ADGRF5: variants seen among roughly 807,000 people sequenced by gnomAD.
The protein encoded by ADGRF5 is adhesion G protein-coupled receptor F5.
In ADGRF5, 75 loss-of-function variants were observed where a neutral mutation model predicts 132.3. The ratio of observed to expected loss-of-function variants is 0.57; its 90% confidence interval spans 0.47 to 0.69. The LOEUF is 0.69. ADGRF5 is among the 30% of genes least tolerant of loss of function. ADGRF5 has a pLI of 0.00. For missense variants in ADGRF5, 1,516 were observed against 1,630.6 expected, an observed-to-expected ratio of 0.93 and a Z score of 1.21; for synonymous variants, 629 against 597.6, an observed-to-expected ratio of 1.05 and a Z score of -0.77.
At chr6:46,869,880 A>G (rs1459732526) in intron 11 of ADGRF5, among the ~76,000 whole-genome samples, 4 of 152,158 alleles carry the variant, frequency 2.6e-5, no homozygotes, top group South Asian at 2.1e-4. Flanking sequence ...TAGTTTCACT[A>G]TATATATACT....
At chr6:46,940,893 TCCTC>T (rs145121753) in intron 1 of ADGRF5, among the ~76,000 whole-genome samples, 2,944 of 152,258 alleles carry the variant, frequency 0.019, 85 homozygotes, top group African/African-American at 0.065. Flanking sequence ...TAGTAATTCT[TCCTC>T]CCAAGAATTT....
chr6:46,941,508 C>A (rs1275841888), intron 1 of ADGRF5, among the ~76,000 whole-genome samples: 13 of 150,832 alleles, frequency 8.6e-5, no homozygotes, highest in Admixed American at 8.6e-4. Context: ...GGCAGGCAGG[C>A]AAATTCTAGA....
At chr6:46,917,515 G>A (rs1261496394) in intron 1 of ADGRF5, among the ~76,000 whole-genome samples, 1 of 152,176 alleles carries the variant, frequency 6.6e-6, no homozygotes, top group Non-Finnish European at 1.5e-5. Context: ...TCTATAAAAT[G>A]GGGATTATGA....
Position 46,863,096 on chromosome 6 carries a change from C to T in ADGRF5, c.1991G>A (p.Gly664Glu), listed in dbSNP as rs755276570. Residue 664 changes from glycine to glutamate, a missense_variant and splice_region_variant, in exon 15 of 21, where the codon GGG becomes GAG. Gly to Glu is a moderately conservative substitution (Grantham distance 98). Transcript: ENST00000283296. The stretch of plus-strand genomic sequence containing the variant: ...GGGATCCTGGCATGTGATGTTTTCC[C>T]CTGTGTTGGAAACATTGAAATAAAG... ...SPSMKLNLVPGENITCQDPVI... is the reference protein window; with the variant it reads ...SPSMKLNLVPEENITCQDPVI... 6 of 1,609,256 alleles carry T rather than the reference C, an allele frequency of 3.7e-6. No individual in the cohort carries two copies. Among genetic ancestry groups the T allele is most frequent in the African/African-American group, 2.7e-5 (2 of 74,760 alleles).
At chr6:46,938,401 C>T (rs975446524) in intron 1 of ADGRF5, among the ~76,000 whole-genome samples, 2 of 152,140 alleles carry the variant, frequency 1.3e-5, no homozygotes, top group Admixed American at 1.3e-4. Context: ...TATTTTTTGG[C>T]TCTTTCAGTC....
Position 46,900,035 on chromosome 6 carries a change from G to T in ADGRF5, c.151C>A (p.Arg51=). The change falls in exon 3 of 21, where the codon CGA becomes AGA. Residue 51 remains arginine, a synonymous_variant. Coordinates refer to ENST00000283296, the MANE Select transcript of ADGRF5 (RefSeq NM_001098518.2). ...PAGEEALRQK[R]AVATKSPTAE... is the part of the protein sequence containing the mutation. ...CAAGCAAGAGTTTACATACCGGCTC[G>T]TTTTTGCCTCAGTGCCTCTTCACCA... is the stretch of plus-strand genomic sequence containing the variant. 4 of 1,609,146 alleles carry T rather than the reference G, an allele frequency of 2.5e-6. No individual in the cohort carries two copies. Among genetic ancestry groups the T allele is most frequent in the East Asian group, 2.2e-5 (1 of 44,788 alleles).
chr6:46,946,258 G>A (rs767050988), intron 1 of ADGRF5, among the ~76,000 whole-genome samples: 1 of 152,158 alleles, frequency 6.6e-6, no homozygotes, highest in Non-Finnish European at 1.5e-5. Context: ...CAGGAGCATT[G>A]GTGTCCTGGA....
At chr6:46,925,845 A>G (rs993039715), upstream of ADGRF5, among the ~76,000 whole-genome samples, 4 of 152,268 alleles carry the variant, frequency 2.6e-5, no homozygotes, top group Non-Finnish European at 5.9e-5. Flanking sequence ...CAGCATAGCT[A>G]AAGTACATAA....
chr6:46,858,665 T>A lies in ADGRF5; in HGVS notation c.3238A>T (p.Ile1080Leu). ...GCCACACAGGCTGTCTTGCAGAGTA[T>A]GTAGCGATTGTCCTGGATGGCAGCG... ...VVAAIQDNRY[I>L]LCKTACVAAT... Residue 1080 changes from isoleucine to leucine, a missense_variant, in exon 17 of 21, where the codon ATA becomes TTA. By Grantham distance (5) the Ile-to-Leu change is conservative. Coordinates refer to ENST00000283296, the MANE Select transcript of ADGRF5 (RefSeq NM_001098518.2). 6.2e-7 allele frequency: 1 copy of A among 1,614,086 alleles called. No individual in the cohort carries two copies. The highest frequency in any genetic ancestry group is 8.5e-7 in the Non-Finnish European group (1 of 1,180,014).
At chr6:46,929,372 T>C (rs1347086202) in intron 1 of ADGRF5, among the ~76,000 whole-genome samples, 1 of 151,890 alleles carries the variant, frequency 6.6e-6, no homozygotes, top group African/African-American at 2.4e-5. Context: ...GGGATAGCAT[T>C]AGGAGATATA....
intron 3 of ADGRF5, among the ~76,000 whole-genome samples, chr6:46,890,486 G>A (rs1012363944): frequency 2.0e-5 from 3 of 152,100 alleles, no homozygotes; most frequent in African/African-American, 7.2e-5. Context: ...GGGAGGCCGA[G>A]GCGGGCAGAT....
In ADGRF5 at chr6:46,880,053, G is replaced by T. The variant is rs1260668299; in HGVS notation, c.815-14C>A. Reference sequence around the variant, plus strand: ...AATTGCTTTCATCTGGAAACCCAAAGAAAAGTTAATAAGATCCCAAAGCAA... The same window carrying T: ...AATTGCTTTCATCTGGAAACCCAAATAAAAGTTAATAAGATCCCAAAGCAA... On this transcript the variant is annotated splice_polypyrimidine_tract_variant and intron_variant, in intron 8 of 20. Coordinates refer to ENST00000283296, the MANE Select transcript of ADGRF5 (RefSeq NM_001098518.2). 1.9e-6 allele frequency: 3 copies of T among 1,583,978 alleles called. No individual in the cohort carries two copies. Among genetic ancestry groups the T allele is most frequent in the African/African-American group, 2.7e-5 (2 of 74,248 alleles).
chr6:46,896,474 T>C (rs190750589), intron 3 of ADGRF5, among the ~76,000 whole-genome samples: 11 of 152,274 alleles, frequency 7.2e-5, no homozygotes, highest in African/African-American at 2.4e-4. Flanking sequence ...GGACTGGAGG[T>C]AGATCAGGCC....
intron 1 of ADGRF5, among the ~76,000 whole-genome samples, chr6:46,945,376 T>A (rs1042064377): frequency 1.3e-5 from 2 of 152,240 alleles, no homozygotes; most frequent in Admixed American, 6.5e-5. Context: ...GAGAACAAGA[T>A]GTTATTTCAC....
intron 4 of ADGRF5, among the ~76,000 whole-genome samples, chr6:46,887,437 A>T (rs767310720): frequency 2.0e-5 from 3 of 152,230 alleles, no homozygotes; most frequent in Non-Finnish European, 4.4e-5. Flanking sequence ...GCACATTGGC[A>T]TCCAACTGGA....
intron 1 of ADGRF5, among the ~76,000 whole-genome samples, chr6:46,939,722 G>C (rs556842073): frequency 6.6e-6 from 1 of 152,256 alleles, no homozygotes; most frequent in East Asian, 1.9e-4. Flanking sequence ...GTATACTAAA[G>C]GTGAAAATTT....
intron 4 of ADGRF5, 126 bp downstream of exon 4, chr6:46,888,209 A>G: frequency 1.5e-6 from 1 of 662,694 alleles, no homozygotes; most frequent in Non-Finnish European, 2.7e-6. Context: ...ACAGAATCAC[A>G]CATCCGTCTC....
At chr6:46,867,740 G>C (rs1315733067) in intron 12 of ADGRF5, among the ~76,000 whole-genome samples, 7 of 152,192 alleles carry the variant, frequency 4.6e-5, no homozygotes, top group Non-Finnish European at 1.0e-4. Context: ...GTCAGAAGCA[G>C]CAGCTAACCA....
At chr6:46,948,706 C>T (rs1006119133) in intron 1 of ADGRF5, among the ~76,000 whole-genome samples, 3 of 152,156 alleles carry the variant, frequency 2.0e-5, no homozygotes, top group Admixed American at 6.6e-5. Context: ...AGAAAGCTGA[C>T]GCTTTACTTT....
Sources: gnomAD v4.1 joint callset for allele counts (sites outside exome capture counted in the v4.1 genomes callset) on GRCh38, gnomAD v4.1.1 for gene constraint, MANE v1.5 for transcripts, NCBI Gene and HGNC (gene_info 2026-07-23, HGNC 2026-07-21) for gene names.